The following CNTNAP5 variants were observed in gnomAD, a reference collection of about 807,000 sequenced individuals.
The protein encoded by CNTNAP5 is contactin associated protein family member 5, also known as contactin-associated protein-like 5.
A neutral mutation model predicts 150.2 loss-of-function variants in CNTNAP5; 72 were observed. The observed-to-expected ratio is 0.48, with a 90% CI of 0.40 to 0.58. CNTNAP5 has a LOEUF of 0.58. Among genes scored for constraint, CNTNAP5 ranks in the 20% least tolerant of loss-of-function variants. CNTNAP5 has a pLI of 0.00. For synonymous variants in CNTNAP5, 672 were observed against 619.8 expected, an observed-to-expected ratio of 1.08 and a Z score of -1.25; for missense variants, 1,636 against 1,626.2, an observed-to-expected ratio of 1.01 and a Z score of -0.10.
chr2:124,742,483 A>G (rs956023213), intron 13 of CNTNAP5, among the ~76,000 whole-genome samples: 11 of 152,136 alleles, frequency 7.2e-5, no homozygotes, highest in African/African-American at 2.4e-4. Context: ...CAATGCTGAC[A>G]TTGCGTTGTG....
chr2:124,816,669 G>T (rs1682370593), intron 19 of CNTNAP5, among the ~76,000 whole-genome samples: 1 of 151,752 alleles, frequency 6.6e-6, no homozygotes, highest in African/African-American at 2.4e-5. Flanking sequence ...ATAGAGAAGA[G>T]GTTTCACCAT....
rs926872712 is a variant in CNTNAP5 at position 124,920,401 on chromosome 2, C to T, written c.*6113C>T. On this transcript the variant is annotated 3_prime_UTR_variant, in exon 24 of 24. Transcript: ENST00000682447. ...CTTTCCCATCAGAGTCAGCCTCTAT[C>T]ACAAACATTTTACATGAAATATTCA... 1.3e-5 allele frequency among the ~76,000 whole-genome samples: 2 copies of T among 152,134 alleles called. No individual in the cohort carries two copies. Among genetic ancestry groups the T allele is most frequent in the African/African-American group, 4.8e-5 (2 of 41,454 alleles).
chr2:124,346,916 C>CCA (rs1553460168), intron 3 of CNTNAP5, among the ~76,000 whole-genome samples: 1 of 109,062 alleles, frequency 9.2e-6, no homozygotes, highest in Non-Finnish European at 1.8e-5. Flanking sequence ...ATTAAAAATA[C>CCA]AAAAAAAAAA....
chr2:124,643,557 C>T (rs528229417), intron 12 of CNTNAP5, among the ~76,000 whole-genome samples: 2 of 152,244 alleles, frequency 1.3e-5, no homozygotes, highest in African/African-American at 4.8e-5. Context: ...CAAGAAATCA[C>T]AGTCCATCGC....
rs145218530 is a variant in CNTNAP5 at position 124,113,042 on chromosome 2, C to T, written c.82+87310C>T. 6.5e-3 allele frequency among the ~76,000 whole-genome samples: 985 copies of T among 152,194 alleles called. 11 individuals carry two copies. Among genetic ancestry groups the T allele is most frequent in the African/African-American group, 0.023 (937 of 41,540 alleles). On this transcript the variant is annotated intron_variant, in intron 1 of 23. Coordinates refer to ENST00000682447, the MANE Select transcript of CNTNAP5 (RefSeq NM_001367498.1). The stretch of plus-strand genomic sequence containing the variant: ...GAGTTAGCAGAGAGCTGATACACTG[C>T]CTGTGAATGTAAGTATATCCAGATA...
chr2:124,204,728 C>A (rs1240870335), intron 1 of CNTNAP5, among the ~76,000 whole-genome samples: 1 of 152,152 alleles, frequency 6.6e-6, no homozygotes, highest in Admixed American at 6.5e-5. Context: ...CATCAAATCT[C>A]ATGAGACTTA....
rs182058286 is a variant in CNTNAP5 at position 124,154,610 on chromosome 2, A to G, written c.83-67095A>G. 1.5e-4 allele frequency among the ~76,000 whole-genome samples: 23 copies of G among 152,296 alleles called. No homozygotes were observed. The East Asian group carries it at 3.3e-3, about 22-fold the overall frequency. On this transcript the variant is annotated intron_variant, in intron 1 of 23. Coordinates refer to ENST00000682447, the MANE Select transcript of CNTNAP5 (RefSeq NM_001367498.1). The stretch of plus-strand genomic sequence containing the variant: ...TCCACTGGAAAGAGAAACTTTTCCA[A>G]TGAAGAAAGGTCAGTGCTGCCTTGA...
intron 1 of CNTNAP5, among the ~76,000 whole-genome samples, chr2:124,190,372 A>G (rs906356371): frequency 1.3e-5 from 2 of 151,812 alleles, no homozygotes; most frequent in Non-Finnish European, 2.9e-5. Context: ...TCCATTAGGG[A>G]GGAGGAGGAG....
At chr2:124,203,657 G>C (rs992176675) in intron 1 of CNTNAP5, among the ~76,000 whole-genome samples, 4 of 152,198 alleles carry the variant, frequency 2.6e-5, no homozygotes, top group African/African-American at 9.7e-5. Flanking sequence ...TGCACCCACA[G>C]GTACAACACC....
chr2:124,408,959 A>C (rs1691671479), intron 3 of CNTNAP5, among the ~76,000 whole-genome samples: 1 of 150,552 alleles, frequency 6.6e-6, no homozygotes, highest in Non-Finnish European at 1.5e-5. Flanking sequence ...GGACATTCAA[A>C]CCAAAGGCAA....
intron 13 of CNTNAP5, among the ~76,000 whole-genome samples, chr2:124,684,911 G>C (rs66820110): frequency 0.028 from 4,304 of 152,218 alleles, 63 homozygotes; most frequent in Middle Eastern, 0.037. Flanking sequence ...AAGTGGACTT[G>C]AGATCCATGA....
chr2:124,514,827 T>A (rs1694670224), intron 8 of CNTNAP5, among the ~76,000 whole-genome samples: 1 of 152,146 alleles, frequency 6.6e-6, no homozygotes, highest in Non-Finnish European at 1.5e-5. Context: ...CTATGGAAGC[T>A]TAGCTGCCTG....
At chr2:124,524,127 C>T (rs776017028) in intron 8 of CNTNAP5, among the ~76,000 whole-genome samples, 176 bp from the exon 9 acceptor site, 2 of 152,046 alleles carry the variant, frequency 1.3e-5, no homozygotes, top group Non-Finnish European at 1.5e-5. Flanking sequence ...AATGAAGTGG[C>T]AAGAAGAGGA....
intron 13 of CNTNAP5, among the ~76,000 whole-genome samples, chr2:124,664,808 T>G (rs549740477): frequency 6.6e-5 from 10 of 152,338 alleles, no homozygotes; most frequent in Middle Eastern, 3.4e-3. Context: ...TGCTTCAGCC[T>G]CCCGAGTAGC....
At chr2:124,340,911 C>A (rs970112528) in intron 3 of CNTNAP5, among the ~76,000 whole-genome samples, 1 of 145,656 alleles carries the variant, frequency 6.9e-6, no homozygotes, top group Non-Finnish European at 1.5e-5. Context: ...GACACACACA[C>A]ATATATATAT....
intron 7 of CNTNAP5, among the ~76,000 whole-genome samples, chr2:124,477,738 T>C (rs924830348): frequency 4.6e-5 from 7 of 151,726 alleles, no homozygotes; most frequent in Admixed American, 2.0e-4. Flanking sequence ...TTCCCAATAA[T>C]GTTTCAAGAA....
chr2:124,548,370 C>T (rs1357483719), intron 10 of CNTNAP5, among the ~76,000 whole-genome samples: 1 of 152,182 alleles, frequency 6.6e-6, no homozygotes, highest in African/African-American at 2.4e-5. Flanking sequence ...ATCTCTCTGC[C>T]TTAACTGCTC....
In CNTNAP5 at chr2:124,415,289, A is replaced by G. The variant is rs184997063; in HGVS notation, c.382-2154A>G. On this transcript the variant is annotated intron_variant, in intron 3 of 23. Transcript: ENST00000682447. The stretch of plus-strand genomic sequence containing the variant: ...CCACTAAGTCATTCTTTTATATGAG[A>G]GTTTTGCTGCAGAAGGGGCTGCAAA... Among the ~76,000 whole-genome samples, 693 of 152,298 alleles carry G rather than the reference A, an allele frequency of 4.6e-3. 4 individuals are homozygous for G. The highest frequency in any genetic ancestry group is 7.7e-3 in the Admixed American group (118 of 15,298).
chr2:124,057,054 G>A (rs1048489526), intron 1 of CNTNAP5, among the ~76,000 whole-genome samples: 2 of 151,964 alleles, frequency 1.3e-5, no homozygotes, highest in Non-Finnish European at 2.9e-5. Context: ...ATTACTCAAT[G>A]GCCATGTCCA....
Sources: gnomAD v4.1 joint callset for allele counts (sites outside exome capture counted in the v4.1 genomes callset) on GRCh38, gnomAD v4.1.1 for gene constraint, MANE v1.5 for transcripts, NCBI Gene and HGNC (gene_info 2026-07-23, HGNC 2026-07-21) for gene names.